Variants in NRL observed in about 807,000 individuals in gnomAD.
NRL encodes the protein neural retina leucine zipper.
A neutral mutation model predicts 12.5 loss-of-function variants in NRL; 16 were observed. That is an observed-to-expected ratio of 1.28 (90% confidence interval 0.87 to 1.95). The LOEUF (loss-of-function observed/expected upper bound fraction) is 1.95. Among genes scored for constraint, NRL ranks in the 30% most tolerant of loss-of-function variants. The pLI is 0.00. For missense variants in NRL, 314 were observed against 325.8 expected, an observed-to-expected ratio of 0.96 and a Z score of 0.28; for synonymous variants, 142 against 150.9, an observed-to-expected ratio of 0.94 and a Z score of 0.43.
At chr14:24,103,698 C>CG (rs1566582300) in intron 1 of NRL, 1 of 1,614,158 alleles carries the variant, frequency 6.2e-7, no homozygotes, top group East Asian at 2.2e-5. Flanking sequence ...GGAGAATGCT[C>CG]GGGTGCTAGA....
At chr14:24,090,437 C>T (rs2036590323) in intron 1 of NRL, among the ~76,000 whole-genome samples, 1 of 152,148 alleles carries the variant, frequency 6.6e-6, no homozygotes, top group African/African-American at 2.4e-5. Flanking sequence ...GGCCTCTGTA[C>T]TTTATAACAA....
intron 1 of NRL, among the ~76,000 whole-genome samples, chr14:24,092,000 C>T (rs1237144450): frequency 2.0e-5 from 3 of 152,102 alleles, no homozygotes; most frequent in Admixed American, 6.5e-5. Context: ...TTCCTTGATT[C>T]TTCCCTTAGG....
Position 24,094,878 on chromosome 14 carries a change from C to A in NRL, c.-27-12003G>T. ...AGCCCCGGGAGACTAAGCTCAGAGC[C>A]CCCTAAAGAAGGTGGAAGGTTAAAT... On this transcript the variant is annotated intron_variant, in intron 1 of 2. Coordinates refer to ENST00000561028, the MANE Select transcript of NRL (RefSeq NM_001354768.3). This position sits in a 1 kb window ranked among gnomAD's most constrained non-coding sequence, Gnocchi z 4.1. 1.6e-6 allele frequency: 2 copies of A among 1,278,950 alleles called. No homozygotes were observed. The highest frequency in any genetic ancestry group is 1.5e-5 in the African/African-American group (1 of 65,924). 79.2% of individuals were successfully genotyped at this position (1,278,950 alleles called of 1,614,324 possible).
chr14:24,099,101 C>G (rs1320018785), intron 1 of NRL: 1 of 1,611,848 alleles, frequency 6.2e-7, no homozygotes, highest in South Asian at 1.1e-5. Context: ...TGATTGGCCA[C>G]GTGCCCGACC....
At chr14:24,097,108 C>T (rs773350726) in intron 1 of NRL, 2 of 1,613,896 alleles carry the variant, frequency 1.2e-6, no homozygotes, top group Non-Finnish European at 1.7e-6. Context: ...AGCAGGGCCT[C>T]ATCCGAAAGC....
chr14:24,082,338 C>CCTT, intron 2 of NRL, 130 bp downstream of exon 2: 1 of 1,140,744 alleles, frequency 8.8e-7, no homozygotes, highest in African/African-American at 1.5e-5. Context: ...TTTCAAGGGA[C>CCTT]CTTCTCCCCT....
In NRL at chr14:24,099,606, G is replaced by A. The variant is rs749947045; in HGVS notation, c.-28+15116C>T. 1.2e-5 allele frequency: 20 copies of A among 1,612,920 alleles called. No homozygotes were observed. Among genetic ancestry groups the A allele is most frequent in the East Asian group, 4.5e-5 (2 of 44,900 alleles). On this transcript the variant is annotated intron_variant, in intron 1 of 2. Transcript: ENST00000561028. ...AGGGAAGAAGCGCTATGTGGCAGCC[G>A]CCTTCCCTAGTGCCTGTGGCAAGAC...
Position 24,094,142 on chromosome 14 carries a change from G to A in NRL, c.-27-11267C>T. ...TCCAATGGGAGAGATGGGTTTGGCG[G>A]TTTGGAGGCAGGGGTTGGGGCGGCG... On this transcript the variant is annotated intron_variant, in intron 1 of 2. Transcript: ENST00000561028. The surrounding 1 kb of genome is among the most constrained non-coding windows in gnomAD (Gnocchi z 4.1). 2 of 544,222 alleles carry A rather than the reference G, an allele frequency of 3.7e-6. No homozygotes were observed. The highest frequency in any genetic ancestry group is 4.0e-5 in the African/African-American group (2 of 49,538). 33.7% of individuals were successfully genotyped at this position (544,222 alleles called of 1,614,324 possible).
intron 1 of NRL, among the ~76,000 whole-genome samples, chr14:24,087,351 G>C (rs1236884309): frequency 6.6e-6 from 1 of 152,196 alleles, no homozygotes; most frequent in Non-Finnish European, 1.5e-5. Flanking sequence ...AGGCCACAGA[G>C]GAAGAGCAGT....
At chr14:24,091,294 G>T (rs971879143) in intron 1 of NRL, among the ~76,000 whole-genome samples, 1 of 152,186 alleles carries the variant, frequency 6.6e-6, no homozygotes, top group Non-Finnish European at 1.5e-5. Flanking sequence ...GGGACTACCG[G>T]CGTGCGCCAC....
chr14:24,112,231 C>T (rs1180846103), intron 1 of NRL, among the ~76,000 whole-genome samples: 1 of 129,838 alleles, frequency 7.7e-6, no homozygotes, highest in Admixed American at 8.2e-5. Flanking sequence ...CTGCTGGATT[C>T]GGTTTGCCAG....
chr14:24,102,638 G>GCAGCTGAT (rs1163251733), intron 1 of NRL: 1 of 834,222 alleles, frequency 1.2e-6, no homozygotes, highest in Non-Finnish European at 1.9e-6. Context: ...AAGGTTCTAG[G>GCAGCTGAT]CAGCTGATGA....
chr14:24,088,562 G>A (rs2036523353), intron 1 of NRL, among the ~76,000 whole-genome samples: 1 of 152,192 alleles, frequency 6.6e-6, no homozygotes, highest in African/African-American at 2.4e-5. Context: ...TGGCCTTCCA[G>A]GCCATTGTGA....
intron 1 of NRL, chr14:24,099,152 CT>C: frequency 6.2e-7 from 1 of 1,611,510 alleles, no homozygotes; most frequent in Non-Finnish European, 8.5e-7. Context: ...ATGGTGGCAA[CT>C]CCCTGCTGGG....
chr14:24,095,254 G>C (rs1163209880), intron 1 of NRL: 1 of 455,436 alleles, frequency 2.2e-6, no homozygotes, highest in African/African-American at 2.0e-5. Flanking sequence ...GCTGCAAGAG[G>C]GTGTGGGGGC....
At position 24,094,355 on chromosome 14, in the gene NRL, T is replaced by A. The variant is rs1455680352; in HGVS notation, c.-27-11480A>T. 1.3e-6 allele frequency: 2 copies of A among 1,508,064 alleles called. No individual in the cohort carries two copies. Among genetic ancestry groups the A allele is most frequent in the Non-Finnish European group, 1.8e-6 (2 of 1,121,106 alleles). The allele number at this position is 1,508,064 out of a possible 1,614,324, so 93.4% of individuals were successfully genotyped here. A position where few individuals can be genotyped will look rare whatever the true frequency, so the allele number is the denominator to read the frequency against. On this transcript the variant is annotated intron_variant, in intron 1 of 2. Coordinates refer to ENST00000561028, the MANE Select transcript of NRL (RefSeq NM_001354768.3). The surrounding 1 kb of genome is among the most constrained non-coding windows in gnomAD (Gnocchi z 4.1). ...TCCCTCCTTCCCCGCCTTCCATACC[T>A]CCCCGGCTCCGCTCGGTTCCTGGCC...
intron 1 of NRL, chr14:24,084,632 G>A: frequency 1.0e-6 from 1 of 985,440 alleles, no homozygotes. Flanking sequence ...GCTCCAGGGG[G>A]CTGTGGGCAC....
chr14:24,104,098 CA>C, intron 1 of NRL: 1 of 640,874 alleles, frequency 1.6e-6, no homozygotes, highest in Admixed American at 2.9e-5. Context: ...AAAGACTGTC[CA>C]ATAATAAGAG....
chr14:24,088,131 A>G (rs1359555461), intron 1 of NRL, among the ~76,000 whole-genome samples: 2 of 152,180 alleles, frequency 1.3e-5, no homozygotes, highest in East Asian at 3.9e-4. Context: ...TCCTCTGGCT[A>G]TGTCCCACCA....
Sources: allele counts gnomAD v4.1 joint callset (sites outside exome capture counted in the v4.1 genomes callset), GRCh38; gene constraint gnomAD v4.1.1; non-coding constraint Gnocchi (gnomAD v3.1); transcripts MANE v1.5; gene names NCBI Gene and HGNC (gene_info 2026-07-23, HGNC 2026-07-21).